The following MPP7 variants were observed in gnomAD, a reference collection of about 807,000 sequenced individuals.
MPP7 encodes the protein MAGUK p55 scaffold protein 7, also known as MAGUK p55 subfamily member 7.
A neutral mutation model predicts 76.5 loss-of-function variants in MPP7; 60 were observed. That is an observed-to-expected ratio of 0.78 (90% CI 0.64 to 0.97). MPP7 has a LOEUF of 0.97. Ranked by LOEUF, MPP7 falls within the 50% of genes least tolerant of loss-of-function variation. MPP7 has a pLI of 0.00. For missense variants in MPP7, 641 were observed against 694.0 expected (o/e 0.92, Z 0.86); for synonymous variants, 237 against 244.5 (o/e 0.97, Z 0.29).
chr10:28,230,244 T>C (rs1205902509), intron 2 of MPP7, among the ~76,000 whole-genome samples: 1 of 152,000 alleles, frequency 6.6e-6, no homozygotes, highest in African/African-American at 2.4e-5. Flanking sequence ...AGAGAAAGCA[T>C]AAAATGGGAT....
chr10:28,318,221 G>A (rs997651110), intron 2 of MPP7, among the ~76,000 whole-genome samples: 2 of 152,086 alleles, frequency 1.3e-5, no homozygotes, highest in African/African-American at 4.8e-5. Context: ...TTCCTCAACC[G>A]TAACAGAGGA....
intron 3 of MPP7, among the ~76,000 whole-genome samples, chr10:28,153,203 G>A (rs1176334530): frequency 6.6e-6 from 1 of 151,094 alleles, no homozygotes; most frequent in East Asian, 2.0e-4. Flanking sequence ...GCAGTGAGCC[G>A]AGATCTCACC....
chr10:28,211,995 C>T (rs1838153169), intron 2 of MPP7, among the ~76,000 whole-genome samples: 1 of 152,100 alleles, frequency 6.6e-6, no homozygotes, highest in Non-Finnish European at 1.5e-5. Context: ...CGCCTATAAT[C>T]CCAGCACTAT....
chr10:28,296,312 TC>T (rs1841034465), intron 1 of MPP7, among the ~76,000 whole-genome samples: 1 of 152,086 alleles, frequency 6.6e-6, no homozygotes, highest in Non-Finnish European at 1.5e-5. Flanking sequence ...CTCTCCCAAA[TC>T]TCCACCAAAT....
intron 12 of MPP7, among the ~76,000 whole-genome samples, chr10:28,078,489 C>T (rs1483092123): frequency 2.6e-5 from 4 of 152,146 alleles, no homozygotes; most frequent in African/African-American, 4.8e-5. Context: ...CAAAAAGGCA[C>T]ATTAAAAATG....
chr10:28,234,950 A>G (rs1262685678), intron 2 of MPP7, among the ~76,000 whole-genome samples: 1 of 152,196 alleles, frequency 6.6e-6, no homozygotes, highest in Non-Finnish European at 1.5e-5. Context: ...AGCTGGAACT[A>G]TAGGCACATG....
At position 28,053,177 on chromosome 10, in the gene MPP7, T is replaced by A. The variant is rs984692333; in HGVS notation, c.*888A>T. 1.1e-4 allele frequency: 16 copies of A among 151,968 alleles called. No homozygotes were observed. Among genetic ancestry groups the A allele is most frequent in the African/African-American group, 3.9e-4 (16 of 41,384 alleles). 9.4% of individuals were successfully genotyped at this position (151,968 alleles called of 1,614,324 possible). A position where few individuals can be genotyped will look rare whatever the true frequency, so the allele number is the denominator to read the frequency against. ...TTGTATCAGTAATATGTAAAACAGG[T>A]TTTACATGTTTTAGAATAGAAATCC... On this transcript the variant is annotated 3_prime_UTR_variant, in exon 17 of 17. Coordinates refer to ENST00000683449, the MANE Select transcript of MPP7 (RefSeq NM_001318170.2).
intron 2 of MPP7, among the ~76,000 whole-genome samples, chr10:28,226,859 A>G (rs1201718334): frequency 6.6e-6 from 1 of 152,206 alleles, no homozygotes; most frequent in African/African-American, 2.4e-5. Context: ...ATGCACTGAT[A>G]AAGATTACTG....
At chr10:28,102,056 G>A (rs1853851281) in intron 11 of MPP7, among the ~76,000 whole-genome samples, 1 of 150,566 alleles carries the variant, frequency 6.6e-6, no homozygotes, top group Non-Finnish European at 1.5e-5. Context: ...CCCTTGACTT[G>A]CGGACATTCA....
chr10:28,107,706 C>T (rs1363124560), intron 11 of MPP7, among the ~76,000 whole-genome samples: 2 of 152,164 alleles, frequency 1.3e-5, no homozygotes, highest in Non-Finnish European at 2.9e-5. Context: ...CTCCATGAAA[C>T]AGAAACAAGT....
chr10:28,141,598 G>C (rs7071072), intron 5 of MPP7, among the ~76,000 whole-genome samples: 1 of 152,194 alleles, frequency 6.6e-6, no homozygotes, highest in East Asian at 1.9e-4. Context: ...ATACATATGT[G>C]TAGATGTGTG....
At chr10:28,065,699 C>T (rs1851964152) in intron 13 of MPP7, among the ~76,000 whole-genome samples, 1 of 152,180 alleles carries the variant, frequency 6.6e-6, no homozygotes, top group Admixed American at 6.5e-5. Context: ...AAAGTTTAAA[C>T]TGGTACCCTA....
chr10:28,190,403 T>C (rs1193983230), intron 3 of MPP7, among the ~76,000 whole-genome samples: 1 of 152,186 alleles, frequency 6.6e-6, no homozygotes, highest in East Asian at 1.9e-4. Context: ...ACATAGACCA[T>C]TCAGCAAGAT....
At chr10:28,199,145 C>G (rs1837686782) in intron 3 of MPP7, among the ~76,000 whole-genome samples, 1 of 152,074 alleles carries the variant, frequency 6.6e-6, no homozygotes. Context: ...GAGACTTATT[C>G]ACTACCATGA....
intron 2 of MPP7, among the ~76,000 whole-genome samples, chr10:28,320,888 C>A (rs546541826): frequency 6.6e-6 from 1 of 151,602 alleles, no homozygotes; most frequent in African/African-American, 2.4e-5. Context: ...TGGTAATAGC[C>A]CCTGACGAGG....
intron 1 of MPP7, among the ~76,000 whole-genome samples, chr10:28,246,846 C>A (rs1226267949): frequency 1.3e-5 from 2 of 151,994 alleles, no homozygotes; most frequent in Non-Finnish European, 2.9e-5. Flanking sequence ...GATTTGGGTA[C>A]GGACACAGAA....
rs1837397821 is a variant in MPP7, at chr10:28,191,077, C to T, written c.156+11076G>A. Among the ~76,000 whole-genome samples the T allele has an allele frequency of 2.0e-5, 3 of 152,020 alleles. No individual in the cohort carries two copies. In the South Asian group the frequency reaches 6.2e-4, roughly 32 times the overall value. On this transcript the variant is annotated intron_variant, in intron 3 of 16. Coordinates refer to ENST00000683449, the MANE Select transcript of MPP7 (RefSeq NM_001318170.2). The stretch of plus-strand genomic sequence containing the variant: ...GAAAGACAAGAGTGACAAAATCTCA[C>T]AAAAGGAGAAACACAAATCTGAATA...
At chr10:28,074,713 T>A (rs1852406764) in intron 12 of MPP7, among the ~76,000 whole-genome samples, 1 of 152,204 alleles carries the variant, frequency 6.6e-6, no homozygotes, top group East Asian at 1.9e-4. Flanking sequence ...CACTTAAAAC[T>A]GATAAAGCCT....
chr10:28,241,859 A>T (rs1176380177), intron 1 of MPP7, among the ~76,000 whole-genome samples: 1 of 152,148 alleles, frequency 6.6e-6, no homozygotes, highest in African/African-American at 2.4e-5. Flanking sequence ...TATATATCAC[A>T]CTGTATCAGG....
Sources: gnomAD v4.1 joint callset for allele counts (sites outside exome capture counted in the v4.1 genomes callset) on GRCh38, gnomAD v4.1.1 for gene constraint, MANE v1.5 for transcripts, NCBI Gene and HGNC (gene_info 2026-07-23, HGNC 2026-07-21) for gene names.